CCDC187: variants seen among roughly 807,000 people sequenced by gnomAD.
CCDC187 encodes coiled-coil domain-containing protein 187.
Under a neutral mutation model 38.0 loss-of-function variants are expected in CCDC187, and 32 were observed. The ratio of observed to expected loss-of-function variants is 0.84; its 90% CI spans 0.64 to 1.13. The LOEUF is 1.13. Ranked by LOEUF, CCDC187 falls within the 50% of genes most tolerant of loss-of-function variation. The pLI is 0.00. For missense variants in CCDC187, 707 were observed against 786.8 expected (o/e 0.90, Z 1.21); for synonymous variants, 333 against 347.9 (o/e 0.96, Z 0.48).
intron 4 of CCDC187, among the ~76,000 whole-genome samples, chr9:136,296,787 G>T (rs1831546316): frequency 6.6e-6 from 1 of 152,190 alleles, no homozygotes; most frequent in Non-Finnish European, 1.5e-5. Flanking sequence ...TCCTCAGCAG[G>T]GAGATGCCTG....
intron 14 of CCDC187, among the ~76,000 whole-genome samples, chr9:136,269,533 A>C (rs145265106): frequency 1.6e-3 from 249 of 152,252 alleles, no homozygotes; most frequent in African/African-American, 5.7e-3. Flanking sequence ...CTGTAGTCCC[A>C]GGTACTCGGG....
chr9:136,259,309 G>GGTACCAAGATGAAGATCAAGTGACAGAT (rs1830653516), intron 21 of CCDC187, 54 bp downstream of exon 21: 1 of 743,802 alleles, frequency 1.3e-6, no homozygotes, highest in Admixed American at 6.4e-5. Flanking sequence ...TTGGGGGGGG[G>GGTACCAAGATGAAGATCAAGTGACAGAT]TGGTCCCTGA....
intron 4 of CCDC187, 60 bp from the exon 5 acceptor site, chr9:136,292,355 G>A (rs36128196): frequency 0.079 from 31,664 of 398,326 alleles, 1,679 homozygotes; most frequent in East Asian, 0.21. Context: ...GCACTGGCCC[G>A]GACGGGGAGG....
At chr9:136,288,664 T>A (rs1831239121) in intron 7 of CCDC187, among the ~76,000 whole-genome samples, 1 of 151,894 alleles carries the variant, frequency 6.6e-6, no homozygotes. Context: ...CAGGCGCAAC[T>A]CCCCCAAGCA....
intron 2 of CCDC187, among the ~76,000 whole-genome samples, chr9:136,301,206 G>A (rs1227487430): frequency 1.3e-5 from 2 of 152,240 alleles, no homozygotes; most frequent in Admixed American, 6.5e-5. Flanking sequence ...GCTCAGGCAG[G>A]TTGGGGGAGG....
chr9:136,305,015 C>T (rs979232321), upstream of CCDC187, among the ~76,000 whole-genome samples: 1,911 of 152,322 alleles, frequency 0.013, 27 homozygotes, highest in Non-Finnish European at 0.017. Flanking sequence ...CACATAGGCA[C>T]GGGGCCCAGG....
Position 136,291,366 on chromosome 9 carries a change from T to G in CCDC187, c.1247A>C (p.Asp416Ala). The change falls in exon 6 of 26, where the codon GAC becomes GCC. Residue 416 changes from aspartate (D) to alanine (A), a missense_variant. Transcript: ENST00000638797. ...AGAGAAGGAGCTCTGGGCATTGGGG[T>G]CCCTGCAGCAGCCCCTCCCTGCCAC... Reference protein sequence around the residue: ...QDVAGRGCCRDPNAQSSFSKS... With the variant: ...QDVAGRGCCRAPNAQSSFSKS... 1 of 398,976 alleles carries G rather than the reference T, an allele frequency of 2.5e-6. No individual in the cohort carries two copies. Among genetic ancestry groups the G allele is most frequent in the Non-Finnish European group, 4.4e-6 (1 of 226,384 alleles). The allele number at this position is 398,976 out of a possible 1,614,324, so 24.7% of individuals were successfully genotyped here. A position where few individuals can be genotyped will look rare whatever the true frequency, so the allele number is the denominator to read the frequency against.
At chr9:136,288,335 G>A (rs1831230161) in intron 7 of CCDC187, among the ~76,000 whole-genome samples, 1 of 152,204 alleles carries the variant, frequency 6.6e-6, no homozygotes. Flanking sequence ...AGAGGGAGGG[G>A]TCGGGTCCTG....
At position 136,277,644 on chromosome 9, in the gene CCDC187, C is replaced by T. The variant is rs1200703541; in HGVS notation, c.3041-917G>A. On this transcript the variant is annotated intron_variant, in intron 10 of 25. Transcript: ENST00000638797. ...CCTCTTCCTTGGATAGTGAAGTCCC[C>T]AGCAGCAGCGGAGGGGGCTTCCCTT... Among the ~76,000 whole-genome samples the T allele has an allele frequency of 1.1e-4, 16 of 152,266 alleles. No individual in the cohort carries two copies. The East Asian group carries it at 2.9e-3, about 28-fold the overall frequency.
chr9:136,256,393 A>C (rs1343834665), intron 23 of CCDC187, 70 bp from the exon 24 acceptor site: 4 of 785,438 alleles, frequency 5.1e-6, no homozygotes, highest in Non-Finnish European at 6.2e-6. Context: ...CCGTAGCTGG[A>C]TGGAGCCCCT....
Position 136,262,247 on chromosome 9 carries a change from G to T in CCDC187, c.4064+64C>A, listed in dbSNP as rs931218171. ...CCACCGGCCACCCGGGGCAGAAAAG[G>T]CTTCTCAGGGGAACATCAGGGTCCA... is the stretch of plus-strand genomic sequence containing the variant. On this transcript the variant is annotated intron_variant, in intron 19 of 25. Transcript: ENST00000638797. 21 of 985,252 alleles carry T rather than the reference G, an allele frequency of 2.1e-5. No individual in the cohort carries two copies. In the East Asian group the frequency reaches 1.8e-3, roughly 85 times the overall value. The allele number at this position is 985,252 out of a possible 1,614,324, so 61.0% of individuals were successfully genotyped here. A position where few individuals can be genotyped will look rare whatever the true frequency, so the allele number is the denominator to read the frequency against.
At chr9:136,267,649 C>T (rs1401755129) in intron 15 of CCDC187, 138 bp from the exon 16 acceptor site, 1 of 979,346 alleles carries the variant, frequency 1.0e-6, no homozygotes, top group African/African-American at 1.8e-5. Context: ...TCCGAGAAGC[C>T]CTCTCGGACT....
Position 136,264,755 on chromosome 9 carries a change from G to A in CCDC187, c.3736-957C>T, listed in dbSNP as rs1480799792. On this transcript the variant is annotated intron_variant, in intron 17 of 25. Coordinates refer to ENST00000638797, the MANE Select transcript of CCDC187 (RefSeq NM_001378188.1). The surrounding 1 kb of genome is among the most constrained non-coding windows in gnomAD (Gnocchi z 4.3). Reference sequence around the variant, plus strand: ...GTGGGCAAAGTAGTCCCCCACCCCAGCTCACCTTTTTTTTTTTTGAAACAA... The same window carrying A: ...GTGGGCAAAGTAGTCCCCCACCCCAACTCACCTTTTTTTTTTTTGAAACAA... Among the ~76,000 whole-genome samples the A allele has an allele frequency of 6.7e-6, 1 of 148,458 alleles. No individual in the cohort carries two copies. The highest frequency in any genetic ancestry group is 1.9e-4 in the East Asian group (1 of 5,138).
Position 136,251,265 on chromosome 9 carries a change from G to A in CCDC187, c.*2329C>T, listed in dbSNP as rs1251745330. ...CTCTGGAAGCAAAGAAAAGTCCATG[G>A]CACCAGGAGAAATCAGCTGCCCTGG... On this transcript the variant is annotated 3_prime_UTR_variant, in exon 26 of 26. Transcript: ENST00000638797. The A allele has an allele frequency of 1.2e-5, 4 of 331,088 alleles. No individual in the cohort carries two copies. The highest frequency in any genetic ancestry group is 1.8e-5 in the Non-Finnish European group (3 of 165,580). The allele number at this position is 331,088 out of a possible 1,614,324, so 20.5% of individuals were successfully genotyped here. A position where few individuals can be genotyped will look rare whatever the true frequency, so the allele number is the denominator to read the frequency against.
chr9:136,269,860 G>A (rs1356979753), intron 14 of CCDC187, among the ~76,000 whole-genome samples: 3 of 152,172 alleles, frequency 2.0e-5, no homozygotes, highest in African/African-American at 7.2e-5. Flanking sequence ...TATCGCATAT[G>A]TTAAGATGTT....
chr9:136,281,576 C>T lies in CCDC187; in HGVS notation c.3015G>A (p.Val1005=), dbSNP rs1831043584. ...ETPSVGGADS[V]APCTPRSCGQ... is the part of the protein sequence containing the mutation. ...CGCAGCTCCGGGGGGTGCAGGGCGCCACAGAATCTGCCCCTCCGACCGACG... is the reference window on the plus strand; with the variant it reads ...CGCAGCTCCGGGGGGTGCAGGGCGCTACAGAATCTGCCCCTCCGACCGACG... The change falls in exon 10 of 26, where the codon GTG becomes GTA. Residue 1005 remains valine, a synonymous_variant. Coordinates refer to ENST00000638797, the MANE Select transcript of CCDC187 (RefSeq NM_001378188.1). 2.5e-6 allele frequency: 1 copy of T among 398,570 alleles called. No individual in the cohort carries two copies. The allele number at this position is 398,570 out of a possible 1,614,324, so 24.7% of individuals were successfully genotyped here.
At chr9:136,272,351 A>C (rs1554762550) in intron 14 of CCDC187, among the ~76,000 whole-genome samples, 3 of 152,236 alleles carry the variant, frequency 2.0e-5, no homozygotes. Flanking sequence ...TGTATCGCAG[A>C]GTTTATAAAA....
At chr9:136,305,425 C>T (rs1831785008), upstream of CCDC187, among the ~76,000 whole-genome samples, 3 of 152,184 alleles carry the variant, frequency 2.0e-5, no homozygotes, top group African/African-American at 2.4e-5. Context: ...TACAGAGCCT[C>T]GCCCTGCCCA....
At chr9:136,265,520 T>C (rs1201861224) in intron 17 of CCDC187, 1 of 152,278 alleles carries the variant, frequency 6.6e-6, no homozygotes, top group Non-Finnish European at 1.5e-5. Flanking sequence ...ATGGCACACG[T>C]CCACCCGGGT....
Sources: allele counts gnomAD v4.1 joint callset (sites outside exome capture counted in the v4.1 genomes callset), GRCh38; gene constraint gnomAD v4.1.1; non-coding constraint Gnocchi (gnomAD v3.1); transcripts MANE v1.5; gene names NCBI Gene and HGNC (gene_info 2026-07-23, HGNC 2026-07-21).